The following TRIP12 variants were observed in gnomAD, a reference collection of about 807,000 sequenced individuals.
The protein encoded by TRIP12 is E3 ubiquitin-protein ligase TRIP12.
In TRIP12, 25 loss-of-function variants were observed where a neutral mutation model predicts 244.2. That is an observed-to-expected ratio of 0.10 (90% CI 0.07 to 0.14). The LOEUF (loss-of-function observed/expected upper bound fraction) is 0.14. TRIP12 is among the 10% of genes least tolerant of loss of function. The pLI is 1.00. For missense variants in TRIP12, 1,677 were observed against 2,486.4 expected (o/e 0.67, Z 6.92); for synonymous variants, 905 against 873.1 (o/e 1.04, Z -0.64).
chr2:229,804,081 A>G lies in TRIP12; in HGVS notation c.2797T>C (p.Cys933Arg). 1 of 1,614,184 alleles carries G rather than the reference A, an allele frequency of 6.2e-7. No individual in the cohort carries two copies. Among genetic ancestry groups the G allele is most frequent in the Admixed American group, 1.7e-5 (1 of 60,026 alleles). Residue 933 changes from cysteine (C) to arginine (R), a missense_variant, in exon 19 of 42, where the codon TGC becomes CGC. Physicochemically the swap from Cys to Arg is radical, Grantham distance 180. This residue lies in a region of TRIP12 where 572 missense variants were observed against 867.8 expected (regional missense o/e 0.66). Coordinates refer to ENST00000675903, the MANE Select transcript of TRIP12 (RefSeq NM_001348323.3). ...SSAGPAVRHKCLRAILRIIYF... is the reference protein window; with the variant it reads ...SSAGPAVRHKRLRAILRIIYF... Reference sequence around the variant, plus strand: ...ATTATCCTAAGAATTGCTCTAAGGCACTTATGTCTGACCGCAGGTCCTGCT... The same window carrying G: ...ATTATCCTAAGAATTGCTCTAAGGCGCTTATGTCTGACCGCAGGTCCTGCT...
At chr2:229,812,006 A>G (rs73099282) in intron 13 of TRIP12, among the ~76,000 whole-genome samples, 1 of 152,244 alleles carries the variant, frequency 6.6e-6, no homozygotes, top group Non-Finnish European at 1.5e-5. Flanking sequence ...TTTCTAAAGA[A>G]TATCATATGG....
chr2:229,838,763 C>T (rs983707355), intron 5 of TRIP12, among the ~76,000 whole-genome samples: 5 of 152,150 alleles, frequency 3.3e-5, no homozygotes, highest in Non-Finnish European at 7.3e-5. Context: ...AGAAAAGTTG[C>T]TATGCAACCT....
At chr2:229,780,479 C>T (rs2037752160) in intron 34 of TRIP12, among the ~76,000 whole-genome samples, 1 of 152,176 alleles carries the variant, frequency 6.6e-6, no homozygotes, top group Non-Finnish European at 1.5e-5. Flanking sequence ...CATCCCTTTG[C>T]TACTTTCCAA....
intron 8 of TRIP12, among the ~76,000 whole-genome samples, chr2:229,821,575 T>G (rs1312034910): frequency 6.6e-6 from 1 of 152,194 alleles, no homozygotes; most frequent in South Asian, 2.1e-4. Context: ...TAAAACATTA[T>G]GGACACTGAA....
chr2:229,885,685 C>T (rs1043305685), intron 1 of TRIP12, among the ~76,000 whole-genome samples: 17 of 152,172 alleles, frequency 1.1e-4, no homozygotes, highest in African/African-American at 3.9e-4. Context: ...TCAAATAAGC[C>T]TATCTTTAAA....
In TRIP12 at chr2:229,778,648, G is replaced by C; in HGVS notation, c.5210-61C>G. 4.4e-6 allele frequency: 7 copies of C among 1,573,168 alleles called. No individual in the cohort carries two copies. The highest frequency in any genetic ancestry group is 6.0e-6 in the Non-Finnish European group (7 of 1,160,806). On this transcript the variant is annotated intron_variant, in intron 35 of 41. Transcript: ENST00000675903. The surrounding 1 kb of genome is among the most constrained non-coding windows in gnomAD (Gnocchi z 4.1). Reference sequence around the variant, plus strand: ...GTTTCCAAAAACAAAACAAAACCTGGTAACTAAGAACATTTAAGAAATTAA... The same window carrying C: ...GTTTCCAAAAACAAAACAAAACCTGCTAACTAAGAACATTTAAGAAATTAA...
intron 32 of TRIP12, among the ~76,000 whole-genome samples, chr2:229,788,356 A>G (rs1159834315): frequency 6.6e-6 from 1 of 152,134 alleles, no homozygotes; most frequent in Admixed American, 6.5e-5. Flanking sequence ...CTCCCAGTCC[A>G]TGTCTGTGGA....
intron 1 of TRIP12, among the ~76,000 whole-genome samples, chr2:229,892,843 G>C (rs1260761893): frequency 6.6e-6 from 1 of 152,082 alleles, no homozygotes; most frequent in East Asian, 1.9e-4. Flanking sequence ...TCCAGCCTGG[G>C]TGACAGAGTG....
chr2:229,900,936 A>AT lies in TRIP12; in HGVS notation c.-49-20809dup, dbSNP rs767135353. 805 of 138,360 alleles carry AT rather than the reference A, an allele frequency of 5.8e-3. 7 individuals are homozygous for AT. The highest frequency in any genetic ancestry group is 0.011 in the Middle Eastern group (3 of 274). 8.6% of individuals were successfully genotyped at this position (138,360 alleles called of 1,614,324 possible). A position where few individuals can be genotyped will look rare whatever the true frequency, so the allele number is the denominator to read the frequency against. On this transcript the variant is annotated intron_variant, in intron 1 of 41. Transcript: ENST00000675903. ...ATGTGAATTATATCTCAATAAAGCT[A>AT]TTTTTTTTTTTTTTTGAGACAGAGT...
In TRIP12 at chr2:229,850,841, A is replaced by G. The variant is rs113193005; in HGVS notation, c.1027+7931T>C. Among the ~76,000 whole-genome samples, 47 of 152,356 alleles carry G rather than the reference A, an allele frequency of 3.1e-4. 1 individual carries two copies. Among genetic ancestry groups the G allele is most frequent in the African/African-American group, 1.0e-3 (43 of 41,588 alleles). ...CAGCCGGCCCTGCCGGCCCCAGGCAATGAGGGGCTCAGCACCCGGGCCAGC... is the reference window on the plus strand; with the variant it reads ...CAGCCGGCCCTGCCGGCCCCAGGCAGTGAGGGGCTCAGCACCCGGGCCAGC... On this transcript the variant is annotated intron_variant, in intron 4 of 41. Transcript: ENST00000675903.
chr2:229,831,201 G>C (rs1271632416), intron 6 of TRIP12: 3 of 685,636 alleles, frequency 4.4e-6, no homozygotes, highest in Non-Finnish European at 5.3e-6. Context: ...TTAACAGATG[G>C]CCAATTAGTA....
At chr2:229,893,608 C>T (rs2067958983) in intron 1 of TRIP12, among the ~76,000 whole-genome samples, 1 of 152,014 alleles carries the variant, frequency 6.6e-6, no homozygotes, top group Non-Finnish European at 1.5e-5. Context: ...TCCTGAGATT[C>T]ATCTATGTTG....
intron 4 of TRIP12, among the ~76,000 whole-genome samples, chr2:229,850,620 C>A (rs1329931054): frequency 6.6e-6 from 1 of 152,208 alleles, no homozygotes; most frequent in Non-Finnish European, 1.5e-5. Context: ...TTTGGCGGCA[C>A]CTGAGGAGCC....
In TRIP12 at chr2:229,818,510, A is replaced by C. The variant is rs757136547; in HGVS notation, c.1453T>G (p.Ser485Ala). Residue 485 changes from serine (S) to alanine (A), a missense_variant and splice_region_variant, in exon 9 of 42, where the codon TCT (serine) becomes GCT (alanine). By Grantham distance (99) the Ser-to-Ala change is moderately conservative. Around this residue, in one of 11 missense-constraint regions of TRIP12, gnomAD observed 143 missense variants for 215.6 expected, o/e 0.66. Coordinates refer to ENST00000675903, the MANE Select transcript of TRIP12 (RefSeq NM_001348323.3). ...FHRTIGSGASSKAQQLLQGLQ... is the reference protein window; with the variant it reads ...FHRTIGSGASAKAQQLLQGLQ... ...CCTTGTAGTAGCTGCTGGGCCTTAGAACCTTTAGAGAAAAAAATAATTATT... is the reference window on the plus strand; with the variant it reads ...CCTTGTAGTAGCTGCTGGGCCTTAGCACCTTTAGAGAAAAAAATAATTATT... 2 of 1,613,014 alleles carry C rather than the reference A, an allele frequency of 1.2e-6. No homozygotes were observed. The highest frequency in any genetic ancestry group is 1.7e-5 in the Admixed American group (1 of 59,886).
intron 4 of TRIP12, among the ~76,000 whole-genome samples, chr2:229,855,897 G>T (rs2059526265): frequency 6.6e-6 from 1 of 152,060 alleles, no homozygotes; most frequent in Admixed American, 6.6e-5. Flanking sequence ...AATTAGCCAA[G>T]CATGGTGGCA....
intron 1 of TRIP12, among the ~76,000 whole-genome samples, chr2:229,898,780 C>T (rs752662345): frequency 6.6e-6 from 1 of 152,202 alleles, no homozygotes; most frequent in Non-Finnish European, 1.5e-5. Flanking sequence ...TAACCTCCAC[C>T]TCCTGGGCTC....
At chr2:229,810,137 AAG>A (rs2046905319) in intron 15 of TRIP12, among the ~76,000 whole-genome samples, 3 of 152,372 alleles carry the variant, frequency 2.0e-5, no homozygotes, top group African/African-American at 7.2e-5. Context: ...AGGCGGGAGG[AAG>A]GCCTGAGGCC....
intron 5 of TRIP12, among the ~76,000 whole-genome samples, chr2:229,840,578 T>C (rs1441801114): frequency 6.6e-6 from 1 of 152,018 alleles, no homozygotes; most frequent in African/African-American, 2.4e-5. Flanking sequence ...GGCAGGCACC[T>C]GTAATCCCAG....
intron 2 of TRIP12, among the ~76,000 whole-genome samples, chr2:229,876,076 C>T (rs1251027962): frequency 1.3e-5 from 2 of 152,056 alleles, no homozygotes; most frequent in Admixed American, 6.6e-5. Context: ...GAGTTCAAGA[C>T]CAGCCTGGCC....
Sources: gnomAD v4.1 joint callset for allele counts (sites outside exome capture counted in the v4.1 genomes callset) on GRCh38, gnomAD v4.1.1 for gene constraint, gnomAD v4.1.1 regional missense constraint, Gnocchi (gnomAD v3.1) non-coding constraint, MANE v1.5 for transcripts, NCBI Gene and HGNC (gene_info 2026-07-23, HGNC 2026-07-21) for gene names.